The following ATP10B variants were observed in gnomAD, a reference collection of about 807,000 sequenced individuals.
The protein encoded by ATP10B is phospholipid-transporting ATPase VB.
In ATP10B, 122 loss-of-function variants were observed where a neutral mutation model predicts 141.2. The ratio of observed to expected loss-of-function variants is 0.86; its 90% confidence interval spans 0.75 to 1.00. The LOEUF (loss-of-function observed/expected upper bound fraction) is 1.00, where lower values mean the gene tolerates loss of function less well. Among genes scored for constraint, ATP10B ranks in the 50% least tolerant of loss-of-function variants. The pLI is 0.00. For missense variants in ATP10B, 1,876 were observed against 1,825.3 expected (o/e 1.03, Z -0.51); for synonymous variants, 685 against 692.0 (o/e 0.99, Z 0.16).
rs1371920733 is a variant in ATP10B, at chr5:160,745,792, T to A, written c.-330-28758A>T. Among the ~76,000 whole-genome samples the A allele has an allele frequency of 3.3e-5, 5 of 152,210 alleles. No individual in the cohort carries two copies. In the East Asian group the frequency reaches 9.6e-4, roughly 29 times the overall value. On this transcript the variant is annotated intron_variant, in intron 2 of 25. Transcript: ENST00000327245. ...ACTCACCCAGGTTCACACAGAAAAC[T>A]GGCAAAGCTTGGTCTGGAACCCACA...
At chr5:160,757,813 C>A (rs929726181) in intron 2 of ATP10B, among the ~76,000 whole-genome samples, 1 of 152,172 alleles carries the variant, frequency 6.6e-6, no homozygotes, top group African/African-American at 2.4e-5. Flanking sequence ...ATTTCCCAAT[C>A]TTAGAACTAT....
the ATP10B span, among the ~76,000 whole-genome samples, chr5:160,916,697 T>C: frequency 6.6e-6 from 1 of 152,208 alleles, no homozygotes. Flanking sequence ...AGATGCCAGA[T>C]TTAAACCCAG....
At chr5:160,923,387 C>T in the ATP10B span, among the ~76,000 whole-genome samples, 1 of 152,160 alleles carries the variant, frequency 6.6e-6, no homozygotes, top group African/African-American at 2.4e-5. Context: ...TTAACCTTAC[C>T]AACCTTAGTT....
chr5:160,811,506 C>T (rs1773148940), intron 1 of ATP10B, among the ~76,000 whole-genome samples: 1 of 152,130 alleles, frequency 6.6e-6, no homozygotes, highest in Non-Finnish European at 1.5e-5. Flanking sequence ...CTGAAGAGCC[C>T]TTGGACTTTA....
rs73819428 is a variant in ATP10B at position 160,572,381 on chromosome 5, T to G, written c.3751-2698A>C. Among the ~76,000 whole-genome samples the G allele has an allele frequency of 7.2e-3, 1,104 of 152,280 alleles. 11 individuals are homozygous for G. The highest frequency in any genetic ancestry group is 0.024 in the African/African-American group (1,005 of 41,570). On this transcript the variant is annotated intron_variant, in intron 24 of 25. Coordinates refer to ENST00000327245, the MANE Select transcript of ATP10B (RefSeq NM_025153.3). ...ATTTCTATCCAGGGAAGAAATAGAT[T>G]CTCTTCCTGCTTCAAGTACTTTCAA... is the stretch of plus-strand genomic sequence containing the variant.
At chr5:160,878,848 A>G in the ATP10B span, among the ~76,000 whole-genome samples, 1 of 150,022 alleles carries the variant, frequency 6.7e-6, no homozygotes, top group Non-Finnish European at 1.5e-5. Context: ...ACCATCTCAC[A>G]CCAGTTAGAA....
intron 7 of ATP10B, among the ~76,000 whole-genome samples, chr5:160,653,748 T>A (rs1453772869): frequency 8.2e-6 from 1 of 122,192 alleles, no homozygotes; most frequent in Non-Finnish European, 1.6e-5. Flanking sequence ...ATATATTACA[T>A]ATACATAAAT....
intron 2 of ATP10B, among the ~76,000 whole-genome samples, chr5:160,761,235 G>A (rs1394818359): frequency 6.6e-6 from 1 of 152,134 alleles, no homozygotes; most frequent in Non-Finnish European, 1.5e-5. Context: ...AGCATAATCA[G>A]CATTCAAGAA....
chr5:160,844,197 AATAT>A (rs938856397), intron 1 of ATP10B, among the ~76,000 whole-genome samples: 32 of 151,876 alleles, frequency 2.1e-4, no homozygotes, highest in African/African-American at 7.7e-4. Context: ...ACCCAACAGA[AATAT>A]ATATATATAC....
At chr5:160,587,679 C>G (rs1755999029) in intron 24 of ATP10B, among the ~76,000 whole-genome samples, 1 of 152,042 alleles carries the variant, frequency 6.6e-6, no homozygotes. Flanking sequence ...GTATTTTATT[C>G]TCTTTGTAGC....
intron 3 of ATP10B, among the ~76,000 whole-genome samples, chr5:160,693,403 A>AACACACACACACACAC (rs3075585): frequency 3.3e-4 from 41 of 125,682 alleles, no homozygotes; most frequent in East Asian, 2.4e-3. Flanking sequence ...TGGGTCAGAA[A>AACACACACACACACAC]ACACACACAC....
chr5:160,824,351 C>G (rs1300931227), intron 1 of ATP10B, among the ~76,000 whole-genome samples: 5 of 152,168 alleles, frequency 3.3e-5, no homozygotes, highest in African/African-American at 1.2e-4. Context: ...GTTGTTCCAG[C>G]AGGTACATGG....
At chr5:160,925,579 G>A in the ATP10B span, among the ~76,000 whole-genome samples, 3 of 152,288 alleles carry the variant, frequency 2.0e-5, no homozygotes, top group Non-Finnish European at 2.9e-5. Flanking sequence ...TGGCAGATAC[G>A]AAGTAGTAAA....
chr5:160,835,327 G>A (rs888614215), intron 1 of ATP10B, among the ~76,000 whole-genome samples: 1 of 152,108 alleles, frequency 6.6e-6, no homozygotes, highest in African/African-American at 2.4e-5. Flanking sequence ...AGCTTGTGGT[G>A]TTTTGTTGTT....
At chr5:160,886,482 C>T in the ATP10B span, among the ~76,000 whole-genome samples, 3 of 152,062 alleles carry the variant, frequency 2.0e-5, no homozygotes, top group Admixed American at 1.3e-4. Flanking sequence ...GGGGAAGTAA[C>T]AGGGAAATAA....
intron 7 of ATP10B, among the ~76,000 whole-genome samples, chr5:160,660,924 C>T (rs766704020): frequency 2.0e-4 from 30 of 152,190 alleles, no homozygotes; most frequent in Non-Finnish European, 4.0e-4. Context: ...CAGTGGCTCA[C>T]GCCTGTAATC....
At chr5:160,715,348 G>C (rs7712102) in intron 3 of ATP10B, among the ~76,000 whole-genome samples, 3 of 131,900 alleles carry the variant, frequency 2.3e-5, no homozygotes, top group Non-Finnish European at 4.9e-5. Context: ...TCTGAAAAGC[G>C]CAATATTCGG....
chr5:160,827,032 T>C (rs1581610608), intron 1 of ATP10B, among the ~76,000 whole-genome samples: 1 of 152,306 alleles, frequency 6.6e-6, no homozygotes, highest in East Asian at 1.9e-4. Context: ...ACGTGATCTT[T>C]GTTCTCCTTT....
At chr5:160,606,207 A>G (rs993629247) in intron 19 of ATP10B, among the ~76,000 whole-genome samples, 4 of 152,320 alleles carry the variant, frequency 2.6e-5, no homozygotes, top group African/African-American at 9.6e-5. Context: ...CTCTGTCCCA[A>G]CATGATTAAA....
Sources: gnomAD v4.1 joint callset for allele counts (sites outside exome capture counted in the v4.1 genomes callset) on GRCh38, gnomAD v4.1.1 for gene constraint, MANE v1.5 for transcripts, NCBI Gene and HGNC (gene_info 2026-07-23, HGNC 2026-07-21) for gene names.